Variants in NINJ1 observed in about 807,000 individuals in gnomAD.
The protein encoded by NINJ1 is ninjurin-1.
NINJ1 carries 6 observed loss-of-function variants against 12.7 expected under a neutral mutation model. The ratio of observed to expected loss-of-function variants is 0.47; its 90% CI spans 0.26 to 0.93. The LOEUF (loss-of-function observed/expected upper bound fraction) is 0.93, where lower values mean the gene tolerates loss of function less well. NINJ1 is among the 40% of genes least tolerant of loss of function. The pLI, the probability that NINJ1 is intolerant of heterozygous loss-of-function variation, is 0.15. For missense variants in NINJ1, 170 were observed against 213.0 expected, an observed-to-expected ratio of 0.80 and a Z score of 1.26; for synonymous variants, 100 against 96.0, an observed-to-expected ratio of 1.04 and a Z score of -0.25.
rs1285324655 is a variant in NINJ1 at position 93,134,157 on chromosome 9, A to G, written c.61T>C (p.Ser21Pro). 1.9e-6 allele frequency: 3 copies of G among 1,559,628 alleles called. No individual in the cohort carries two copies. The highest frequency in any genetic ancestry group is 2.4e-5 in the South Asian group (2 of 84,180). Residue 21 changes from serine to proline, a missense_variant, in exon 1 of 4, where the codon TCC becomes CCC. By Grantham distance (74) the Ser-to-Pro change is moderately conservative (BLOSUM62 -1). Transcript: ENST00000375446. ...GAAGGTCTTACCGAGGCGTCCGGGG[A>G]GCCGGGTGTGCCCGGAGGCAGGCCG... is the stretch of plus-strand genomic sequence containing the variant. ...NGGLPPGTPG[S>P]PDASPARWGW...
At chr9:93,125,922 G>C (rs1438068285) in intron 2 of NINJ1, 1 of 161,668 alleles carries the variant, frequency 6.2e-6, no homozygotes, top group Non-Finnish European at 1.3e-5. Flanking sequence ...AACAAAACAA[G>C]GCTGAGCGTG....
At chr9:93,132,110 C>G (rs1827903334) in intron 1 of NINJ1, among the ~76,000 whole-genome samples, 1 of 152,030 alleles carries the variant, frequency 6.6e-6, no homozygotes, top group South Asian at 2.1e-4. Flanking sequence ...GCACCGCGAC[C>G]ACACCCATTT....
At chr9:93,130,388 AC>A (rs1827875477) in intron 1 of NINJ1, among the ~76,000 whole-genome samples, 1 of 152,122 alleles carries the variant, frequency 6.6e-6, no homozygotes, top group African/African-American at 2.4e-5. Context: ...TGCTGCATCC[AC>A]CGGCCTGGCT....
In NINJ1 at chr9:93,126,484, T is replaced by C. The variant is rs758840752; in HGVS notation, c.230A>G (p.Tyr77Cys). The change falls in exon 2 of 4, where the codon TAT (tyrosine) becomes TGT (cysteine). Residue 77 changes from tyrosine to cysteine, a missense_variant. Coordinates refer to ENST00000375446, the MANE Select transcript of NINJ1 (RefSeq NM_004148.4). ...GGAGATGAGGACCACCAGGGGCACA[T>C]AGAAGGCGAAGCTGGGGCCCTGTTC... Reference protein sequence around the residue: ...VVEQGPSFAFYVPLVVLISIS... With the variant: ...VVEQGPSFAFCVPLVVLISIS... 1.5e-5 allele frequency: 25 copies of C among 1,614,008 alleles called. No individual in the cohort carries two copies. Among genetic ancestry groups the C allele is most frequent in the South Asian group, 5.5e-5 (5 of 91,092 alleles).
intron 1 of NINJ1, among the ~76,000 whole-genome samples, chr9:93,132,293 C>A (rs1243390827): frequency 6.6e-6 from 1 of 152,186 alleles, no homozygotes. Context: ...ATGTGCTCAT[C>A]CTCACACTGG....
chr9:93,128,767 G>T (rs190373261), intron 1 of NINJ1, among the ~76,000 whole-genome samples: 2 of 151,696 alleles, frequency 1.3e-5, no homozygotes, highest in East Asian at 3.9e-4. Context: ...CACCTTCTGG[G>T]GGCATCTACA....
chr9:93,125,842 G>A (rs918532781), intron 2 of NINJ1: 1 of 153,878 alleles, frequency 6.5e-6, no homozygotes, highest in South Asian at 1.9e-4. Flanking sequence ...CTTGAGCCTG[G>A]GAGGTTGAGA....
chr9:93,127,534 C>T (rs1827831412), intron 1 of NINJ1, among the ~76,000 whole-genome samples: 2 of 152,222 alleles, frequency 1.3e-5, no homozygotes, highest in South Asian at 4.1e-4. Flanking sequence ...TCTCTCCTGC[C>T]ACAGGAAGGT....
intron 3 of NINJ1, among the ~76,000 whole-genome samples, 191 bp from the exon 4 acceptor site, chr9:93,122,421 G>A (rs3996276): frequency 1.0e-4 from 11 of 108,560 alleles, no homozygotes; most frequent in African/African-American, 4.1e-4. Context: ...CCTGGGAAGG[G>A]GGGAGAGGAG....
Position 93,126,702 on chromosome 9 carries a change from G to A in NINJ1, c.76-64C>T, listed in dbSNP as rs577503592. 6.4e-5 allele frequency: 84 copies of A among 1,311,940 alleles called. No individual in the cohort carries two copies. In the East Asian group the frequency reaches 1.1e-3, roughly 17 times the overall value. 81.3% of individuals were successfully genotyped at this position (1,311,940 alleles called of 1,614,324 possible). On this transcript the variant is annotated intron_variant, in intron 1 of 3. Coordinates refer to ENST00000375446, the MANE Select transcript of NINJ1 (RefSeq NM_004148.4). Reference sequence around the variant, plus strand: ...GGGGGGCAAGGGCTGTGCCTGAGTCGGGCTCTGGGGGTCACCGGGCCCTGC... The same window carrying A: ...GGGGGGCAAGGGCTGTGCCTGAGTCAGGCTCTGGGGGTCACCGGGCCCTGC...
intron 1 of NINJ1, among the ~76,000 whole-genome samples, chr9:93,133,826 C>T (rs1222696728): frequency 2.0e-5 from 3 of 152,170 alleles, no homozygotes; most frequent in Non-Finnish European, 4.4e-5. Flanking sequence ...AGCCGGGCGC[C>T]GGCAGTCCTT....
chr9:93,132,602 C>T (rs1229188706), intron 1 of NINJ1, among the ~76,000 whole-genome samples: 5 of 152,234 alleles, frequency 3.3e-5, no homozygotes, highest in Admixed American at 2.0e-4. Context: ...GCTCCCAGCC[C>T]CCAGGGAACC....
At chr9:93,127,825 A>C (rs1827834963) in intron 1 of NINJ1, among the ~76,000 whole-genome samples, 1 of 152,054 alleles carries the variant, frequency 6.6e-6, no homozygotes, top group Non-Finnish European at 1.5e-5. Context: ...CTGTTTCCAG[A>C]CTCATGAAAG....
intron 1 of NINJ1, among the ~76,000 whole-genome samples, chr9:93,127,281 C>T (rs1446732099): frequency 6.6e-6 from 1 of 152,232 alleles, no homozygotes; most frequent in African/African-American, 2.4e-5. Flanking sequence ...CAACAGATGC[C>T]TCAGCATACG....
At chr9:93,122,545 C>T (rs962786664) in intron 3 of NINJ1, among the ~76,000 whole-genome samples, 1 of 152,136 alleles carries the variant, frequency 6.6e-6, no homozygotes, top group Non-Finnish European at 1.5e-5. Flanking sequence ...TTTGCACACC[C>T]GGACTCAGGA....
intron 1 of NINJ1, among the ~76,000 whole-genome samples, chr9:93,133,617 G>T (rs1324276869): frequency 6.6e-6 from 1 of 152,242 alleles, no homozygotes; most frequent in African/African-American, 2.4e-5. Flanking sequence ...GGACCACAGC[G>T]GGCCCCAAGT....
At chr9:93,123,181 G>A (rs1564217972) in intron 3 of NINJ1, among the ~76,000 whole-genome samples, 1 of 149,444 alleles carries the variant, frequency 6.7e-6, no homozygotes, top group South Asian at 2.1e-4. Flanking sequence ...GCGGTCACTC[G>A]TTGGCCCCCG....
At chr9:93,130,788 C>T (rs774407437) in intron 1 of NINJ1, among the ~76,000 whole-genome samples, 17 of 152,212 alleles carry the variant, frequency 1.1e-4, no homozygotes, top group Non-Finnish European at 1.5e-4. Flanking sequence ...GCTGAACAGG[C>T]TCACAAAACA....
chr9:93,129,241 G>A (rs77612200), intron 1 of NINJ1, among the ~76,000 whole-genome samples: 2,070 of 152,310 alleles, frequency 0.014, 35 homozygotes, highest in African/African-American at 0.046. Flanking sequence ...CCCAGGCCCC[G>A]GGGCTCAGAA....
Sources: allele counts gnomAD v4.1 joint callset (sites outside exome capture counted in the v4.1 genomes callset), GRCh38; gene constraint gnomAD v4.1.1; transcripts MANE v1.5; gene names NCBI Gene and HGNC (gene_info 2026-07-23, HGNC 2026-07-21).